Variants in STAU2 observed in about 807,000 individuals in gnomAD.
STAU2 encodes staufen double-stranded RNA binding protein 2, also known as double-stranded RNA-binding protein Staufen homolog 2.
Under a neutral mutation model 65.9 loss-of-function variants are expected in STAU2, and 20 were observed. The observed-to-expected ratio is 0.30, with a 90% CI of 0.21 to 0.44. The LOEUF (loss-of-function observed/expected upper bound fraction) is 0.44. STAU2 is among the 20% of genes least tolerant of loss of function. The pLI, the probability that STAU2 is intolerant of heterozygous loss-of-function variation, is 1.00. For synonymous variants in STAU2, 232 were observed against 233.9 expected, an observed-to-expected ratio of 0.99 and a Z score of 0.07; for missense variants, 558 against 683.9, an observed-to-expected ratio of 0.82 and a Z score of 2.05.
chr8:73,637,474 A>C (rs1446735430), intron 6 of STAU2, among the ~76,000 whole-genome samples: 1 of 128,732 alleles, frequency 7.8e-6, no homozygotes, highest in East Asian at 2.2e-4. Flanking sequence ...AAAGTGCTGA[A>C]AGTAAAAAAA....
At chr8:73,595,104 A>C (rs1811088049) in intron 11 of STAU2, 62 bp downstream of exon 11, 1 of 1,380,212 alleles carries the variant, frequency 7.2e-7, no homozygotes, top group South Asian at 1.7e-5. Context: ...TTAAGATCAA[A>C]ATTTATTAAT....
rs60833468 is a variant in STAU2 at position 73,637,477 on chromosome 8, T to TAAAAAAAAAAAAAAAAA, written c.411-20043_411-20027dup. Among the ~76,000 whole-genome samples the TAAAAAAAAAAAAAAAAA allele has an allele frequency of 3.2e-3, 184 of 57,106 alleles. 3 individuals carry two copies. The highest frequency in any genetic ancestry group is 3.9e-3 in the East Asian group (6 of 1,556). 37.5% of individuals were successfully genotyped at this position (57,106 alleles called of 152,430 possible). ...TAAAGTCTTTATAAAGTGCTGAAAG[T>TAAAAAAAAAAAAAAAAA]AAAAAAAAAAAAAAAAAAAAAAAAA... On this transcript the variant is annotated intron_variant, in intron 6 of 14. Coordinates refer to ENST00000524300, the MANE Select transcript of STAU2 (RefSeq NM_001164380.2).
At chr8:73,604,158 C>T (rs182425272) in intron 9 of STAU2, among the ~76,000 whole-genome samples, 12 of 151,876 alleles carry the variant, frequency 7.9e-5, no homozygotes, top group Non-Finnish European at 1.6e-4. Context: ...CATCAAGAAA[C>T]ATCAAAAAGA....
At chr8:73,514,424 GCCTA>G (rs1188335144) in intron 13 of STAU2, among the ~76,000 whole-genome samples, 4 of 152,118 alleles carry the variant, frequency 2.6e-5, no homozygotes, top group Non-Finnish European at 5.9e-5. Context: ...ATACTGCTCA[GCCTA>G]CCTTTCAAGA....
chr8:73,620,966 G>T (rs951285471), intron 6 of STAU2, among the ~76,000 whole-genome samples: 1 of 152,056 alleles, frequency 6.6e-6, no homozygotes, highest in African/African-American at 2.4e-5. Flanking sequence ...TGATAGGTCT[G>T]GTCTCAAAAT....
At chr8:73,747,380 C>G (rs913763874), upstream of STAU2, 20 of 1,535,306 alleles carry the variant, frequency 1.3e-5, no homozygotes, top group Non-Finnish European at 1.5e-5. Context: ...TGATTCCCCG[C>G]TCGTACCTTT....
At position 73,508,027 on chromosome 8, in the gene STAU2, TG is replaced by T. The variant is rs1422006824; in HGVS notation, c.1530+43984del. Reference sequence around the variant, plus strand: ...GCTTAAGAGAATGCTGTGGCTGGTTTGATCTTCTGTCCAGACCACCTGAACT... The same window carrying T: ...GCTTAAGAGAATGCTGTGGCTGGTTTATCTTCTGTCCAGACCACCTGAACT... On this transcript the variant is annotated intron_variant, in intron 13 of 14. Transcript: ENST00000524300. 8.5e-5 allele frequency among the ~76,000 whole-genome samples: 13 copies of T among 152,358 alleles called. No individual in the cohort carries two copies. In the East Asian group the frequency reaches 2.3e-3, roughly 27 times the overall value.
intron 3 of STAU2, among the ~76,000 whole-genome samples, chr8:73,720,499 CTTTTTTTTTTTT>C (rs1174035145): frequency 2.6e-5 from 1 of 39,102 alleles, no homozygotes; most frequent in African/African-American, 1.3e-4. Flanking sequence ...AAAATACTTT[CTTTTTTTTTTTT>C]TTTTTTTTTT....
Position 73,711,943 on chromosome 8 carries a change from T to C in STAU2, c.-17-2781A>G, listed in dbSNP as rs545296357. 2.0e-5 allele frequency among the ~76,000 whole-genome samples: 3 copies of C among 152,288 alleles called. No individual in the cohort carries two copies. The East Asian group carries it at 5.8e-4, about 29-fold the overall frequency. Reference sequence around the variant, plus strand: ...AAAAAGGGATTAAAACAAATAGTTGTTCCTTTATTTAATGAGAAATCTTAA... The same window carrying C: ...AAAAAGGGATTAAAACAAATAGTTGCTCCTTTATTTAATGAGAAATCTTAA... On this transcript the variant is annotated intron_variant, in intron 3 of 14. Transcript: ENST00000524300.
At chr8:73,673,080 G>A in intron 6 of STAU2, 27 bp downstream of exon 6, 2 of 1,513,374 alleles carry the variant, frequency 1.3e-6, no homozygotes, top group South Asian at 2.7e-5. Flanking sequence ...TAATAATTAA[G>A]AACAAAACCA....
chr8:73,742,821 A>C (rs1806980452), intron 1 of STAU2, among the ~76,000 whole-genome samples: 1 of 152,124 alleles, frequency 6.6e-6, no homozygotes, highest in South Asian at 2.1e-4. Context: ...TATGAATTAC[A>C]TTTTGCCCAT....
intron 12 of STAU2, among the ~76,000 whole-genome samples, chr8:73,567,662 C>T (rs539473082): frequency 6.6e-6 from 1 of 151,874 alleles, no homozygotes; most frequent in African/African-American, 2.4e-5. Context: ...ATTCTCCCAC[C>T]TTGGCCTCCT....
At chr8:73,497,886 C>G (rs1821511271) in intron 13 of STAU2, among the ~76,000 whole-genome samples, 1 of 151,722 alleles carries the variant, frequency 6.6e-6, no homozygotes, top group African/African-American at 2.4e-5. Context: ...GTGAATAAAA[C>G]ATCTCACATG....
chr8:73,445,515 A>G (rs1563596408), intron 13 of STAU2, among the ~76,000 whole-genome samples: 1 of 152,248 alleles, frequency 6.6e-6, no homozygotes, highest in African/African-American at 2.4e-5. Flanking sequence ...GATACATTGG[A>G]CCTCATCAAA....
chr8:73,493,449 C>T (rs1821243150), intron 13 of STAU2, among the ~76,000 whole-genome samples: 1 of 151,728 alleles, frequency 6.6e-6, no homozygotes, highest in South Asian at 2.1e-4. Context: ...AAAAGACAAA[C>T]AACCTAATTT....
At chr8:73,667,540 T>C (rs1199152877) in intron 6 of STAU2, among the ~76,000 whole-genome samples, 1 of 152,210 alleles carries the variant, frequency 6.6e-6, no homozygotes, top group Non-Finnish European at 1.5e-5. Flanking sequence ...CTAGTTAACC[T>C]TGAAGATTCA....
At chr8:73,635,167 C>T (rs576436461) in intron 6 of STAU2, among the ~76,000 whole-genome samples, 9 of 152,218 alleles carry the variant, frequency 5.9e-5, no homozygotes, top group Non-Finnish European at 7.4e-5. Context: ...GATACTAAAC[C>T]GTTCTTAAAT....
intron 13 of STAU2, among the ~76,000 whole-genome samples, chr8:73,452,589 C>T (rs1200131511): frequency 1.3e-5 from 2 of 152,230 alleles, no homozygotes; most frequent in Admixed American, 6.5e-5. Context: ...TGTCACTAAA[C>T]GTCTGTGCCT....
intron 13 of STAU2, among the ~76,000 whole-genome samples, chr8:73,436,467 T>A (rs1817692293): frequency 6.6e-6 from 1 of 151,862 alleles, no homozygotes; most frequent in South Asian, 2.1e-4. Flanking sequence ...TTTCAGCTTT[T>A]AAAAATAAAA....
Sources: allele counts gnomAD v4.1 joint callset (sites outside exome capture counted in the v4.1 genomes callset), GRCh38; gene constraint gnomAD v4.1.1; transcripts MANE v1.5; gene names NCBI Gene and HGNC (gene_info 2026-07-23, HGNC 2026-07-21).